The following CDH18 variants were observed in gnomAD, a reference collection of about 807,000 sequenced individuals.
CDH18 encodes the protein cadherin-18.
In CDH18, 31 loss-of-function variants were observed where a neutral mutation model predicts 67.9. The observed-to-expected ratio is 0.46, with a 90% CI of 0.34 to 0.62. CDH18 has a LOEUF of 0.62. CDH18 is among the 20% of genes least tolerant of loss of function. The pLI, the probability that CDH18 is intolerant of heterozygous loss-of-function variation, is 0.01. For missense variants in CDH18, 890 were observed against 975.5 expected (o/e 0.91, Z 1.17); for synonymous variants, 362 against 347.2 (o/e 1.04, Z -0.48).
intron 5 of CDH18, among the ~76,000 whole-genome samples, chr5:19,655,040 T>C (rs1481013186): frequency 6.6e-6 from 1 of 152,064 alleles, no homozygotes. Context: ...AAAGCAACAT[T>C]TAGGCACAAA....
At chr5:19,524,761 TC>T (rs1471126081) in intron 9 of CDH18, among the ~76,000 whole-genome samples, 11 of 152,122 alleles carry the variant, frequency 7.2e-5, no homozygotes, top group African/African-American at 2.4e-4. Context: ...CTCTTTTTTT[TC>T]TGAGATGGAG....
intron 1 of CDH18, among the ~76,000 whole-genome samples, chr5:20,395,824 G>A (rs1454210396): frequency 6.6e-6 from 1 of 152,030 alleles, no homozygotes; most frequent in Non-Finnish European, 1.5e-5. Flanking sequence ...CTTCCAGTGA[G>A]GGCAGAAAGG....
intron 1 of CDH18, among the ~76,000 whole-genome samples, chr5:20,301,164 A>G (rs1314474884): frequency 6.6e-6 from 1 of 151,488 alleles, no homozygotes; most frequent in Non-Finnish European, 1.5e-5. Flanking sequence ...GTAATTGTAT[A>G]GACAGTGTTT....
intron 1 of CDH18, among the ~76,000 whole-genome samples, chr5:20,311,401 G>A (rs978125361): frequency 1.3e-5 from 2 of 152,072 alleles, no homozygotes; most frequent in Non-Finnish European, 2.9e-5. Flanking sequence ...CAACCCAAAC[G>A]TCCATCAATG....
In CDH18 at chr5:19,749,633, A is replaced by G. The variant is rs1401236871; in HGVS notation, c.229-2397T>C. The stretch of plus-strand genomic sequence containing the variant: ...TAAAGAAGAATAGGCTTAAGTGTAT[A>G]AGAGAAATAGTAAAGTTCTTAACCT... On this transcript the variant is annotated intron_variant, in intron 3 of 12. Coordinates refer to ENST00000382275, the MANE Select transcript of CDH18 (RefSeq NM_004934.5). Among the ~76,000 whole-genome samples, 9 of 150,904 alleles carry G rather than the reference A, an allele frequency of 6.0e-5. 1 individual carries two copies. Among genetic ancestry groups the G allele is most frequent in the Admixed American group, 5.9e-4 (9 of 15,162 alleles).
intron 1 of CDH18, among the ~76,000 whole-genome samples, chr5:20,552,830 A>G (rs185709337): frequency 0.012 from 1,788 of 150,684 alleles, 34 homozygotes; most frequent in African/African-American, 0.042. Context: ...ATCTCGGCTC[A>G]CCGCAACCTC....
At chr5:20,304,461 C>T (rs1315749066) in intron 1 of CDH18, 6 of 1,539,986 alleles carry the variant, frequency 3.9e-6, no homozygotes, top group Non-Finnish European at 5.4e-6. Flanking sequence ...TTGCATTCAC[C>T]ACTGTCACCT....
At chr5:20,486,364 A>C (rs1753178316) in intron 1 of CDH18, among the ~76,000 whole-genome samples, 1 of 152,318 alleles carries the variant, frequency 6.6e-6, no homozygotes, top group Admixed American at 6.5e-5. Context: ...TTCACTCAAT[A>C]TATGCAACAA....
At position 19,953,365 on chromosome 5, in the gene CDH18, G is replaced by C. The variant is rs546994217; in HGVS notation, c.-257+27695C>G. On this transcript the variant is annotated intron_variant, in intron 2 of 12. Transcript: ENST00000382275. ...GATTTATTAATCAATTAAAGAACTAGAGTACTGCTTATTGTCTCTCTATTG... is the reference window on the plus strand; with the variant it reads ...GATTTATTAATCAATTAAAGAACTACAGTACTGCTTATTGTCTCTCTATTG... Among the ~76,000 whole-genome samples, 114 of 152,124 alleles carry C rather than the reference G, an allele frequency of 7.5e-4. 1 individual carries two copies. In the South Asian group the frequency reaches 0.022, roughly 30 times the overall value.
intron 7 of CDH18, among the ~76,000 whole-genome samples, chr5:19,586,769 T>C (rs1410545152): frequency 3.9e-5 from 6 of 152,192 alleles, no homozygotes; most frequent in African/African-American, 9.6e-5. Context: ...CTCTAGGTCT[T>C]TGAGGAATTG....
intron 1 of CDH18, among the ~76,000 whole-genome samples, chr5:20,520,806 G>A (rs759537009): frequency 1.1e-4 from 16 of 152,228 alleles, no homozygotes; most frequent in Non-Finnish European, 1.5e-4. Flanking sequence ...CAAGAAAAAA[G>A]TTGGATGTAT....
At chr5:20,575,086 T>C (rs755532292) in intron 1 of CDH18, among the ~76,000 whole-genome samples, 4 of 152,130 alleles carry the variant, frequency 2.6e-5, no homozygotes, top group Non-Finnish European at 5.9e-5. Flanking sequence ...TTTCTTGATA[T>C]GCTATTATTT....
chr5:20,303,388 A>G (rs534621957), intron 1 of CDH18, among the ~76,000 whole-genome samples: 2 of 152,308 alleles, frequency 1.3e-5, no homozygotes, highest in South Asian at 2.1e-4. Context: ...TACAAAGCCA[A>G]AAAACTCCTT....
chr5:19,869,952 A>T (rs1253150927), intron 2 of CDH18, among the ~76,000 whole-genome samples: 1 of 152,138 alleles, frequency 6.6e-6, no homozygotes, highest in Non-Finnish European at 1.5e-5. Flanking sequence ...AATGTTATTT[A>T]TTTCTAATTT....
At chr5:20,009,327 C>T (rs931287002) in intron 2 of CDH18, among the ~76,000 whole-genome samples, 1 of 152,040 alleles carries the variant, frequency 6.6e-6, no homozygotes, top group Non-Finnish European at 1.5e-5. Context: ...ATACATAATA[C>T]ATACATGATA....
chr5:19,909,755 A>G (rs1490210222), intron 2 of CDH18, among the ~76,000 whole-genome samples: 1 of 152,156 alleles, frequency 6.6e-6, no homozygotes, highest in Non-Finnish European at 1.5e-5. Context: ...TCGGACTATC[A>G]TTTCCTTCAG....
At chr5:20,302,781 C>G (rs991248930) in intron 1 of CDH18, among the ~76,000 whole-genome samples, 1 of 152,232 alleles carries the variant, frequency 6.6e-6, no homozygotes, top group Non-Finnish European at 1.5e-5. Context: ...GGCACTGACC[C>G]TGAGCCTGTA....
chr5:20,197,540 T>C (rs997085069), intron 2 of CDH18, among the ~76,000 whole-genome samples: 5 of 152,190 alleles, frequency 3.3e-5, no homozygotes, highest in Admixed American at 3.3e-4. Context: ...AAGTTACAGC[T>C]GGAAGAAACA....
chr5:19,964,218 A>G (rs1797203798), intron 2 of CDH18, among the ~76,000 whole-genome samples: 1 of 152,156 alleles, frequency 6.6e-6, no homozygotes, highest in Non-Finnish European at 1.5e-5. Flanking sequence ...TTGTTTCATA[A>G]TATAATAGAT....
Sources: allele counts gnomAD v4.1 joint callset (sites outside exome capture counted in the v4.1 genomes callset), GRCh38; gene constraint gnomAD v4.1.1; transcripts MANE v1.5; gene names NCBI Gene and HGNC (gene_info 2026-07-23, HGNC 2026-07-21).